ROBO1: variants seen among roughly 807,000 people sequenced by gnomAD.
The protein encoded by ROBO1 is roundabout homolog 1.
Under a neutral mutation model 195.9 loss-of-function variants are expected in ROBO1, and 149 were observed. That is an observed-to-expected ratio of 0.76 (90% CI 0.67 to 0.87). The LOEUF is 0.87. Among genes scored for constraint, ROBO1 ranks in the 40% least tolerant of loss-of-function variants. The pLI, the probability that ROBO1 is intolerant of heterozygous loss-of-function variation, is 0.00. For missense variants in ROBO1, 1,933 were observed against 2,068.3 expected, an observed-to-expected ratio of 0.93 and a Z score of 1.27; for synonymous variants, 816 against 733.2, an observed-to-expected ratio of 1.11 and a Z score of -1.82.
At chr3:78,803,264 T>C (rs1006264130) in intron 4 of ROBO1, among the ~76,000 whole-genome samples, 3 of 152,158 alleles carry the variant, frequency 2.0e-5, no homozygotes, top group African/African-American at 4.8e-5. Context: ...GAAGACTATA[T>C]GACAAGGGTT....
chr3:79,172,358 G>C lies in ROBO1; in HGVS notation c.89-46819C>G, dbSNP rs557661954. On this transcript the variant is annotated intron_variant, in intron 2 of 30. Transcript: ENST00000464233. Reference sequence around the variant, plus strand: ...AAAATATTTCCTTCTATCTCTAAAAGTAAAACATTTTTATTGTATTAACTA... The same window carrying C: ...AAAATATTTCCTTCTATCTCTAAAACTAAAACATTTTTATTGTATTAACTA... Among the ~76,000 whole-genome samples the C allele has an allele frequency of 2.0e-5, 3 of 152,250 alleles. No homozygotes were observed. The South Asian group carries it at 6.2e-4, about 32-fold the overall frequency.
At chr3:79,181,266 G>T (rs2081334961) in intron 2 of ROBO1, among the ~76,000 whole-genome samples, 1 of 152,072 alleles carries the variant, frequency 6.6e-6, no homozygotes, top group Admixed American at 6.5e-5. Context: ...TTTTCCTCAT[G>T]TACTACTAGA....
At chr3:79,656,014 T>G (rs182470415) in intron 1 of ROBO1, among the ~76,000 whole-genome samples, 1 of 152,220 alleles carries the variant, frequency 6.6e-6, no homozygotes, top group Admixed American at 6.5e-5. Flanking sequence ...TTTTTAAGCT[T>G]ATTATTTGTA....
chr3:79,314,538 A>T (rs1487333697), intron 2 of ROBO1, among the ~76,000 whole-genome samples: 1 of 152,218 alleles, frequency 6.6e-6, no homozygotes, highest in East Asian at 1.9e-4. Context: ...CTGCCCAGCC[A>T]TGCTCAACTG....
chr3:78,759,782 C>T (rs1286537526), intron 4 of ROBO1, among the ~76,000 whole-genome samples: 2 of 152,162 alleles, frequency 1.3e-5, no homozygotes, highest in East Asian at 3.9e-4. Flanking sequence ...GAGGTCTTCA[C>T]ATCTCTGAAA....
intron 2 of ROBO1, among the ~76,000 whole-genome samples, chr3:79,457,799 C>A (rs1323493556): frequency 1.3e-5 from 2 of 152,122 alleles, no homozygotes. Flanking sequence ...CCATGTGGAG[C>A]TCTGAGTCCA....
chr3:79,637,520 A>G (rs1048676128), intron 1 of ROBO1, among the ~76,000 whole-genome samples: 10 of 152,142 alleles, frequency 6.6e-5, no homozygotes, highest in Admixed American at 2.0e-4. Context: ...GCAATATTAT[A>G]AAAAGTTTGA....
At chr3:79,277,290 A>C (rs1341760062) in intron 2 of ROBO1, among the ~76,000 whole-genome samples, 3 of 152,086 alleles carry the variant, frequency 2.0e-5, no homozygotes, top group Admixed American at 6.6e-5. Context: ...TTCAGCCACA[A>C]AAAAATTAGA....
Position 79,572,989 on chromosome 3 carries a change from C to T in ROBO1, c.88+16835G>A, listed in dbSNP as rs570230702. Among the ~76,000 whole-genome samples, 13 of 152,166 alleles carry T rather than the reference C, an allele frequency of 8.5e-5. No individual in the cohort carries two copies. In the South Asian group the frequency reaches 2.1e-3, roughly 24 times the overall value. On this transcript the variant is annotated intron_variant, in intron 2 of 30. Transcript: ENST00000464233. Reference sequence around the variant, plus strand: ...TGTGGGAAACATTATAATAAGTTTTCGAGTCAGACAATGCAAAGTGGCTTC... The same window carrying T: ...TGTGGGAAACATTATAATAAGTTTTTGAGTCAGACAATGCAAAGTGGCTTC...
At chr3:79,406,586 GGT>G (rs146681897) in intron 2 of ROBO1, among the ~76,000 whole-genome samples, 1 of 151,152 alleles carries the variant, frequency 6.6e-6, no homozygotes, top group Non-Finnish European at 1.5e-5. Context: ...ATGTGTGTGT[GGT>G]GTGTGTGTGT....
chr3:78,661,742 C>A (rs1707418966), intron 15 of ROBO1, among the ~76,000 whole-genome samples: 1 of 152,154 alleles, frequency 6.6e-6, no homozygotes, highest in African/African-American at 2.4e-5. Flanking sequence ...AGTTACATAA[C>A]ACAGTTAATA....
At chr3:78,633,093 C>G (rs1034010518) in intron 24 of ROBO1, among the ~76,000 whole-genome samples, 2 of 152,156 alleles carry the variant, frequency 1.3e-5, no homozygotes, top group African/African-American at 4.8e-5. Flanking sequence ...ATATTCATTA[C>G]AGAAGAAGGG....
intron 1 of ROBO1, among the ~76,000 whole-genome samples, chr3:79,640,509 G>A (rs1445617720): frequency 4.6e-5 from 7 of 152,034 alleles, no homozygotes; most frequent in Non-Finnish European, 8.8e-5. Flanking sequence ...AATTTTTTGG[G>A]TGGTCTAATT....
At chr3:79,120,106 C>A (rs1480768913) in intron 3 of ROBO1, among the ~76,000 whole-genome samples, 1 of 151,954 alleles carries the variant, frequency 6.6e-6, no homozygotes, top group Non-Finnish European at 1.5e-5. Context: ...AGATAGTATA[C>A]CTCATATACC....
chr3:79,678,654 A>T (rs1946854150), intron 1 of ROBO1, among the ~76,000 whole-genome samples: 1 of 152,080 alleles, frequency 6.6e-6, no homozygotes, highest in African/African-American at 2.4e-5. Flanking sequence ...TCAATATCTT[A>T]GTAGGAGTTT....
At chr3:79,667,161 G>A (rs1946499348) in intron 1 of ROBO1, among the ~76,000 whole-genome samples, 1 of 151,714 alleles carries the variant, frequency 6.6e-6, no homozygotes, top group East Asian at 1.9e-4. Flanking sequence ...ACATCAACAT[G>A]CCATAGAATG....
At chr3:79,726,476 G>T (rs1702931199) in intron 1 of ROBO1, among the ~76,000 whole-genome samples, 1 of 152,140 alleles carries the variant, frequency 6.6e-6, no homozygotes, top group African/African-American at 2.4e-5. Flanking sequence ...AATGCTTGAT[G>T]TTGAAAAATA....
At chr3:79,047,520 T>C (rs952755365) in intron 3 of ROBO1, among the ~76,000 whole-genome samples, 2 of 152,168 alleles carry the variant, frequency 1.3e-5, no homozygotes, top group Non-Finnish European at 2.9e-5. Context: ...GGCAGGACTG[T>C]CATCTTTTCG....
intron 2 of ROBO1, among the ~76,000 whole-genome samples, chr3:79,405,830 T>C (rs934397746): frequency 5.3e-5 from 8 of 151,986 alleles, no homozygotes; most frequent in African/African-American, 1.9e-4. Context: ...GAATAAAGGA[T>C]GAAACAAATT....
Sources: gnomAD v4.1 joint callset for allele counts (sites outside exome capture counted in the v4.1 genomes callset) on GRCh38, gnomAD v4.1.1 for gene constraint, MANE v1.5 for transcripts, NCBI Gene and HGNC (gene_info 2026-07-23, HGNC 2026-07-21) for gene names.